The following APLF variants were observed in gnomAD, a reference collection of about 807,000 sequenced individuals.
The protein encoded by APLF is aprataxin and PNK-like factor.
Under a neutral mutation model 55.6 loss-of-function variants are expected in APLF, and 61 were observed. The ratio of observed to expected loss-of-function variants is 1.10; its 90% confidence interval spans 0.89 to 1.36. The LOEUF is 1.36. Among genes scored for constraint, APLF ranks in the 40% most tolerant of loss-of-function variants. The pLI is 0.00. For missense variants in APLF, 611 were observed against 602.5 expected (o/e 1.01, Z -0.15); for synonymous variants, 207 against 214.8 (o/e 0.96, Z 0.32).
chr2:68,560,608 A>C (rs1671142671), intron 8 of APLF, among the ~76,000 whole-genome samples: 1 of 152,174 alleles, frequency 6.6e-6, no homozygotes, highest in African/African-American at 2.4e-5. Context: ...CATATTTTAA[A>C]ATACAGCAGC....
At chr2:68,545,002 T>G (rs893548397) in intron 7 of APLF, among the ~76,000 whole-genome samples, 185 bp from the exon 8 acceptor site, 1 of 152,330 alleles carries the variant, frequency 6.6e-6, no homozygotes, top group African/African-American at 2.4e-5. Flanking sequence ...GTACTGAGTT[T>G]ATGTCATCAA....
At chr2:68,481,099 G>T (rs1675936111) in intron 1 of APLF, among the ~76,000 whole-genome samples, 1 of 152,150 alleles carries the variant, frequency 6.6e-6, no homozygotes, top group South Asian at 2.1e-4. Context: ...TCCTTGTCTG[G>T]TTTTGGTTTC....
chr2:68,514,388 A>G (rs1441887116), intron 5 of APLF, among the ~76,000 whole-genome samples: 1 of 151,788 alleles, frequency 6.6e-6, no homozygotes, highest in Non-Finnish European at 1.5e-5. Context: ...TGGATGATAC[A>G]TTGTAGAGGC....
intron 8 of APLF, among the ~76,000 whole-genome samples, chr2:68,556,414 T>A (rs1671012533): frequency 6.6e-6 from 1 of 152,240 alleles, no homozygotes; most frequent in Admixed American, 6.5e-5. Flanking sequence ...TTTTGTGCTG[T>A]CCACTGCTGT....
At chr2:68,541,759 A>G (rs1670557711) in intron 7 of APLF, among the ~76,000 whole-genome samples, 1 of 152,220 alleles carries the variant, frequency 6.6e-6, no homozygotes, top group African/African-American at 2.4e-5. Context: ...TGCAATCTCT[A>G]TCAAAATCCT....
intron 1 of APLF, among the ~76,000 whole-genome samples, chr2:68,474,258 A>G (rs771863883): frequency 1.3e-5 from 2 of 152,168 alleles, no homozygotes; most frequent in South Asian, 2.1e-4. Context: ...AGTCATCGTT[A>G]TTTAGTCATG....
chr2:68,474,763 G>A (rs2103875990), intron 1 of APLF, among the ~76,000 whole-genome samples: 1 of 152,220 alleles, frequency 6.6e-6, no homozygotes, highest in Non-Finnish European at 1.5e-5. Context: ...CTGCCTTCTG[G>A]GTTCAAGAGA....
chr2:68,487,779 A>G (rs1472166594), intron 1 of APLF, among the ~76,000 whole-genome samples: 2 of 152,144 alleles, frequency 1.3e-5, no homozygotes, highest in Non-Finnish European at 2.9e-5. Context: ...CTTCCCATTG[A>G]GAAAGTGCAA....
intron 7 of APLF, among the ~76,000 whole-genome samples, chr2:68,543,433 A>G (rs1269180247): frequency 6.6e-6 from 1 of 152,334 alleles, no homozygotes; most frequent in Non-Finnish European, 1.5e-5. Context: ...ATGTGAAAAA[A>G]CAAAAAAGAA....
intron 2 of APLF, among the ~76,000 whole-genome samples, chr2:68,494,277 C>CAAAAAAAA (rs59466460): frequency 1.6e-4 from 8 of 49,538 alleles, no homozygotes; most frequent in African/African-American, 3.8e-4. Context: ...GACCCCGTCT[C>CAAAAAAAA]AAAAAAAAAA....
chr2:68,467,784 T>A lies in APLF; in HGVS notation c.53T>A (p.Leu18Gln), dbSNP rs1244037862. 9 of 1,234,152 alleles carry A rather than the reference T, an allele frequency of 7.3e-6. No individual in the cohort carries two copies. Among genetic ancestry groups the A allele is most frequent in the African/African-American group, 1.6e-5 (1 of 64,414 alleles). 76.5% of individuals were successfully genotyped at this position (1,234,152 alleles called of 1,614,324 possible). Residue 18 changes from leucine (L) to glutamine (Q), a missense_variant, in exon 1 of 10, where the codon CTG (leucine) becomes CAG (glutamine). Transcript: ENST00000303795. Reference protein sequence around the residue: ...QPRDGGPRVALAPGETVIGRG... With the variant: ...QPRDGGPRVAQAPGETVIGRG... ...CGGGACGGCGGTCCCCGGGTGGCCCTGGCGCCCGGGGAGACGGTGATCGGC... is the reference window on the plus strand; with the variant it reads ...CGGGACGGCGGTCCCCGGGTGGCCCAGGCGCCCGGGGAGACGGTGATCGGC...
intron 1 of APLF, among the ~76,000 whole-genome samples, chr2:68,469,009 TGTGTG>T (rs1460849177): frequency 6.8e-6 from 1 of 147,612 alleles, no homozygotes; most frequent in African/African-American, 2.7e-5. Flanking sequence ...TGTGTGTGTG[TGTGTG>T]TGTGTGTTGT....
intron 9 of APLF, among the ~76,000 whole-genome samples, chr2:68,574,767 C>T (rs1671576653): frequency 6.6e-6 from 1 of 152,116 alleles, no homozygotes; most frequent in Non-Finnish European, 1.5e-5. Context: ...TAAATATTTC[C>T]AGGGTTCACT....
rs577065028 is a variant in APLF at position 68,538,167 on chromosome 2, A to G, written c.1100A>G (p.Gln367Arg). ...GCAAAGGCAACTGATTCAGTTCTAC[A>G]AGGTTCTGAAGGAAACAAGGTCAAG... Reference protein sequence around the residue: ...LHAKATDSVLQGSEGNKVKRT... With the variant: ...LHAKATDSVLRGSEGNKVKRT... Residue 367 changes from glutamine to arginine, a missense_variant, in exon 7 of 10, where the codon CAA becomes CGA. Coordinates refer to ENST00000303795, the MANE Select transcript of APLF (RefSeq NM_173545.3). 5 of 1,613,634 alleles carry G rather than the reference A, an allele frequency of 3.1e-6. No individual in the cohort carries two copies. In the African/African-American group the frequency reaches 4.0e-5, roughly 13 times the overall value.
intron 6 of APLF, among the ~76,000 whole-genome samples, chr2:68,534,122 A>G (rs1483318973): frequency 2.0e-5 from 3 of 152,196 alleles, no homozygotes; most frequent in Non-Finnish European, 4.4e-5. Context: ...GGATCTGGGG[A>G]GAGAGGGCAA....
intron 8 of APLF, among the ~76,000 whole-genome samples, chr2:68,551,915 A>T (rs963552455): frequency 2.0e-5 from 3 of 152,120 alleles, no homozygotes; most frequent in Non-Finnish European, 4.4e-5. Flanking sequence ...GGTAGGGGCT[A>T]GTCATCTCTG....
rs141651901 is a variant in APLF at position 68,490,187 on chromosome 2, T to G, written c.97-3T>G. On this transcript the variant is annotated splice_region_variant and splice_polypyrimidine_tract_variant and intron_variant, in intron 1 of 9. Transcript: ENST00000303795. Reference sequence around the variant, plus strand: ...TTAATCTTTTAATTTTTTTACTGTATAGATAACAGACAAGAGAGTATCCAG... The same window carrying G: ...TTAATCTTTTAATTTTTTTACTGTAGAGATAACAGACAAGAGAGTATCCAG... The G allele has an allele frequency of 2.5e-6, 4 of 1,600,916 alleles. No homozygotes were observed. The African/African-American group carries it at 5.4e-5, about 22-fold the overall frequency.
intron 6 of APLF, 86 bp downstream of exon 6, chr2:68,526,328 A>G (rs1670045007): frequency 6.8e-7 from 1 of 1,475,118 alleles, no homozygotes; most frequent in Non-Finnish European, 9.3e-7. Context: ...AAGAGAAATC[A>G]AAACTGCCTT....
intron 3 of APLF, 64 bp from the exon 4 acceptor site, chr2:68,513,016 G>A (rs758041721): frequency 2.1e-6 from 3 of 1,455,620 alleles, no homozygotes; most frequent in Non-Finnish European, 2.8e-6. Context: ...CTTAGATGTA[G>A]TTCTAAGGCA....
Sources: allele counts gnomAD v4.1 joint callset (sites outside exome capture counted in the v4.1 genomes callset), GRCh38; gene constraint gnomAD v4.1.1; transcripts MANE v1.5; gene names NCBI Gene and HGNC (gene_info 2026-07-23, HGNC 2026-07-21).